SEMA4B: variants seen among roughly 807,000 people sequenced by gnomAD.
SEMA4B encodes the protein semaphorin 4B.
A neutral mutation model predicts 88.1 loss-of-function variants in SEMA4B; 55 were observed. The ratio of observed to expected loss-of-function variants is 0.62; its 90% confidence interval spans 0.50 to 0.78. The LOEUF (loss-of-function observed/expected upper bound fraction) is 0.78. Among genes scored for constraint, SEMA4B ranks in the 30% least tolerant of loss-of-function variants. The pLI, the probability that SEMA4B is intolerant of heterozygous loss-of-function variation, is 0.00. For synonymous variants in SEMA4B, 525 were observed against 473.6 expected, an observed-to-expected ratio of 1.11 and a Z score of -1.41; for missense variants, 1,062 against 1,111.9, an observed-to-expected ratio of 0.96 and a Z score of 0.64.
intron 1 of SEMA4B, among the ~76,000 whole-genome samples, chr15:90,186,917 A>G (rs1960182967): frequency 6.6e-6 from 1 of 152,166 alleles, no homozygotes; most frequent in Non-Finnish European, 1.5e-5. Context: ...TGGGCGACAG[A>G]GCAAGACTCC....
Position 90,227,985 on chromosome 15 carries a change from C to T in SEMA4B, c.1856C>T (p.Thr619Ile), listed in dbSNP as rs368249471. 40 of 1,613,762 alleles carry T rather than the reference C, an allele frequency of 2.5e-5. No homozygotes were observed. The African/African-American group carries it at 3.5e-4, about 14-fold the overall frequency. ...LACPLLSNLA[T>I]RLWLRNGAPV... ...TGCCCGCTCCTCTCCAACCTGGCGA[C>T]CCGACTCTGGCTACGCAACGGGGCC... The change falls in exon 14 of 14, where the codon ACC (threonine) becomes ATC (isoleucine). Residue 619 changes from threonine (T) to isoleucine (I), a missense_variant. Transcript: ENST00000411539.
intron 1 of SEMA4B, chr15:90,190,295 A>T (rs1212919976): frequency 6.6e-6 from 1 of 152,210 alleles, no homozygotes; most frequent in Non-Finnish European, 1.5e-5. Flanking sequence ...ATTCCTCAGA[A>T]CCTCCACCCT....
intron 9 of SEMA4B, 99 bp from the exon 10 acceptor site, chr15:90,224,869 G>T: frequency 3.0e-6 from 3 of 992,324 alleles, no homozygotes; most frequent in South Asian, 1.4e-5. Flanking sequence ...CTCCGGGCGG[G>T]GGGACAGACA....
At chr15:90,185,770 A>C (rs1349687078) in intron 1 of SEMA4B, among the ~76,000 whole-genome samples, 2 of 152,124 alleles carry the variant, frequency 1.3e-5, no homozygotes, top group Non-Finnish European at 2.9e-5. Flanking sequence ...ATAATGCCTT[A>C]GAACTGGAAA....
chr15:90,227,977 C>A lies in SEMA4B; in HGVS notation c.1848C>A (p.Asn616Lys). The change falls in exon 14 of 14, where the codon AAC (asparagine) becomes AAA (lysine). Residue 616 changes from asparagine to lysine, a missense_variant. Transcript: ENST00000411539. The stretch of plus-strand genomic sequence containing the variant: ...CTTTGGCCTGCCCGCTCCTCTCCAA[C>A]CTGGCGACCCGACTCTGGCTACGCA... ...VNTLACPLLS[N>K]LATRLWLRNG... The A allele has an allele frequency of 6.2e-7, 1 of 1,613,840 alleles. No individual in the cohort carries two copies. The highest frequency in any genetic ancestry group is 8.5e-7 in the Non-Finnish European group (1 of 1,179,872).
At chr15:90,184,954 C>T, upstream of SEMA4B, 2 of 985,878 alleles carry the variant, frequency 2.0e-6, no homozygotes, top group South Asian at 9.4e-5. Flanking sequence ...TGAGGCTGTG[C>T]GCCCGAGACT....
At chr15:90,202,354 G>A (rs1405489390) in intron 1 of SEMA4B, among the ~76,000 whole-genome samples, 3 of 152,156 alleles carry the variant, frequency 2.0e-5, no homozygotes, top group Non-Finnish European at 1.5e-5. Context: ...GCGGATGGGG[G>A]CAGCTCTGGG....
At chr15:90,219,757 G>C in intron 3 of SEMA4B, 36 bp from the exon 4 acceptor site, 1 of 1,553,948 alleles carries the variant, frequency 6.4e-7, no homozygotes, top group Non-Finnish European at 8.8e-7. Context: ...GCATGCTTGG[G>C]CGTGGGACTG....
At chr15:90,195,032 A>G (rs1474451154) in intron 1 of SEMA4B, among the ~76,000 whole-genome samples, 1 of 151,826 alleles carries the variant, frequency 6.6e-6, no homozygotes, top group Non-Finnish European at 1.5e-5. Context: ...AAATTTCCCC[A>G]ATTGCTCCAT....
rs1194089103 is a variant in SEMA4B, at chr15:90,227,905, G to A, written c.1776G>A (p.Gly592=). 1.9e-6 allele frequency: 3 copies of A among 1,611,020 alleles called. No homozygotes were observed. Among genetic ancestry groups the A allele is most frequent in the South Asian group, 2.2e-5 (2 of 91,062 alleles). ...SVVSPSFVPT[G]EKPCEQVQFQ... ...ACCCCATGCCTTTTCTGCCTACAGG[G>A]GAGAAGCCATGTGAGCAAGTCCAGT... The change falls in exon 14 of 14, where the codon GGG becomes GGA. Residue 592 remains glycine (G), a splice_region_variant and synonymous_variant. Coordinates refer to ENST00000411539, the MANE Select transcript of SEMA4B (RefSeq NM_198925.4).
chr15:90,206,576 G>C, intron 1 of SEMA4B: 1 of 520,068 alleles, frequency 1.9e-6, no homozygotes, highest in Non-Finnish European at 3.5e-6. Context: ...TGCCATGGCC[G>C]AGGAAGGCAT....
chr15:90,227,324 G>T, intron 12 of SEMA4B: 1 of 520,040 alleles, frequency 1.9e-6, no homozygotes, highest in Non-Finnish European at 3.4e-6. Flanking sequence ...TGGGATTACA[G>T]GCGTGGGCCA....
chr15:90,208,752 CT>C (rs66461937), intron 1 of SEMA4B, among the ~76,000 whole-genome samples: 46 of 144,096 alleles, frequency 3.2e-4, no homozygotes, highest in Non-Finnish European at 3.3e-4. Flanking sequence ...TTTTCTTTTT[CT>C]TTTTTTTTTT....
intron 1 of SEMA4B, among the ~76,000 whole-genome samples, chr15:90,189,006 C>CTT (rs1323755537): frequency 1.3e-5 from 2 of 152,138 alleles, no homozygotes; most frequent in Non-Finnish European, 2.9e-5. Flanking sequence ...TTAAAGGATC[C>CTT]TGATAAACTA....
intron 1 of SEMA4B, among the ~76,000 whole-genome samples, chr15:90,209,666 G>A (rs4932302): frequency 0.72 from 109,396 of 152,130 alleles, 40,348 homozygotes; most frequent in East Asian, 0.94. Flanking sequence ...ACTACAAGAC[G>A]TGTGAACAGG....
In SEMA4B at chr15:90,201,394, C is replaced by A; in HGVS notation, c.-185C>A. On this transcript the variant is annotated 5_prime_UTR_variant, in exon 1 of 14. Coordinates refer to ENST00000411539, the MANE Select transcript of SEMA4B (RefSeq NM_198925.4). The stretch of plus-strand genomic sequence containing the variant: ...CGGCGCCGGCGGGAGGACTGCGGTG[C>A]CCCGCGGAGGGGCTGAGTTTGCCAG... 1 of 1,274,682 alleles carries A rather than the reference C, an allele frequency of 7.8e-7. No homozygotes were observed. The highest frequency in any genetic ancestry group is 1.6e-5 in the African/African-American group (1 of 64,028). The allele number at this position is 1,274,682 out of a possible 1,614,324, so 79.0% of individuals were successfully genotyped here. A position where few individuals can be genotyped will look rare whatever the true frequency, so the allele number is the denominator to read the frequency against.
Position 90,228,101 on chromosome 15 carries a change from T to A in SEMA4B, c.1972T>A (p.Ser658Thr). The change falls in exon 14 of 14, where the codon TCA becomes ACA. Residue 658 changes from serine to threonine, a missense_variant. Coordinates refer to ENST00000411539, the MANE Select transcript of SEMA4B (RefSeq NM_198925.4). Reference sequence around the variant, plus strand: ...ACAGCTGGGGGAGTTCCAGTGCTGGTCACTAGAGGAGGGCTTCCAGCAGCT... The same window carrying A: ...ACAGCTGGGGGAGTTCCAGTGCTGGACACTAGAGGAGGGCTTCCAGCAGCT... ...TQQLGEFQCW[S>T]LEEGFQQLVA... is the part of the protein sequence containing the mutation. The A allele has an allele frequency of 6.2e-7, 1 of 1,612,392 alleles. No individual in the cohort carries two copies. Among genetic ancestry groups the A allele is most frequent in the East Asian group, 2.2e-5 (1 of 44,858 alleles).
rs1012028048 is a variant in SEMA4B, at chr15:90,225,397, G to A, written c.1521G>A (p.Arg507=). The A allele has an allele frequency of 5.2e-6, 8 of 1,550,238 alleles. No homozygotes were observed. Among genetic ancestry groups the A allele is most frequent in the African/African-American group, 1.4e-5 (1 of 73,024 alleles). ...AGAATCTGCTCCTGGACACCCACAGGGTGAGCAGGCCAACGAGGAATCCTG... is the reference window on the plus strand; with the variant it reads ...AGAATCTGCTCCTGGACACCCACAGAGTGAGCAGGCCAACGAGGAATCCTG... ...PVQNLLLDTH[R]GLLYAASHSG... The change falls in exon 11 of 14, where the codon AGG becomes AGA. Residue 507 remains arginine (R), a splice_region_variant and synonymous_variant. Transcript: ENST00000411539.
At position 90,228,038 on chromosome 15, in the gene SEMA4B, G is replaced by A. The variant is rs749502634; in HGVS notation, c.1909G>A (p.Val637Met). The A allele has an allele frequency of 1.9e-5, 31 of 1,613,744 alleles. No homozygotes were observed. Among genetic ancestry groups the A allele is most frequent in the Admixed American group, 5.0e-5 (3 of 59,982 alleles). Residue 637 changes from valine to methionine, a missense_variant, in exon 14 of 14, where the codon GTG becomes ATG. Coordinates refer to ENST00000411539, the MANE Select transcript of SEMA4B (RefSeq NM_198925.4). ...APVNASASCH[V>M]LPTGDLLLVG... Reference sequence around the variant, plus strand: ...CGTCAATGCCTCGGCCTCCTGCCACGTGCTACCCACTGGGGACCTGCTGCT... The same window carrying A: ...CGTCAATGCCTCGGCCTCCTGCCACATGCTACCCACTGGGGACCTGCTGCT...
Sources: gnomAD v4.1 joint callset for allele counts (sites outside exome capture counted in the v4.1 genomes callset) on GRCh38, gnomAD v4.1.1 for gene constraint, MANE v1.5 for transcripts, NCBI Gene and HGNC (gene_info 2026-07-23, HGNC 2026-07-21) for gene names.